The following KIF4A variants were observed in gnomAD, a reference collection of about 807,000 sequenced individuals.
KIF4A encodes the protein kinesin family member 4A.
Under a neutral mutation model 105.9 loss-of-function variants are expected in KIF4A, and 7 were observed. The ratio of observed to expected loss-of-function variants is 0.07; its 90% CI spans 0.04 to 0.12. The LOEUF (loss-of-function observed/expected upper bound fraction) is 0.12. KIF4A is among the 10% of genes least tolerant of loss of function. The pLI, the probability that KIF4A is intolerant of heterozygous loss-of-function variation, is 1.00. For missense variants in KIF4A, 558 were observed against 929.2 expected, an observed-to-expected ratio of 0.60 and a Z score of 5.19; for synonymous variants, 281 against 331.3, an observed-to-expected ratio of 0.85 and a Z score of 1.65.
intron 3 of KIF4A, 73 bp downstream of exon 3, chrX:70,290,878 TG>T: frequency 7.3e-6 from 5 of 684,417 alleles, no homozygotes; most frequent in Non-Finnish European, 6.9e-6. Flanking sequence ...GCACTGTGCT[TG>T]GGCACTGCAA....
chrX:70,382,578 A>G (rs1359683894), intron 18 of KIF4A, among the ~76,000 whole-genome samples: 1 of 112,476 alleles, frequency 8.9e-6, no homozygotes, highest in Non-Finnish European at 1.9e-5. Flanking sequence ...TAGATGTGAC[A>G]CCTAAAGTAC....
chrX:70,293,023 A>T (rs1226945343), intron 3 of KIF4A, among the ~76,000 whole-genome samples: 1 of 112,063 alleles, frequency 8.9e-6, no homozygotes, highest in African/African-American at 3.2e-5. Context: ...AAACTACTAA[A>T]ACCTCATTTC....
intron 7 of KIF4A, among the ~76,000 whole-genome samples, chrX:70,313,945 C>T (rs571735717): frequency 8.9e-6 from 1 of 112,319 alleles, no homozygotes; most frequent in Non-Finnish European, 1.9e-5. Flanking sequence ...AACTCATATT[C>T]GTAAAACATT....
At chrX:70,373,544 A>ACG (rs1451529737) in intron 15 of KIF4A, among the ~76,000 whole-genome samples, 1 of 48,079 alleles carries the variant, frequency 2.1e-5, no homozygotes, top group African/African-American at 9.3e-5. Flanking sequence ...ATATATATAT[A>ACG]TATATATATA....
Position 70,324,272 on chromosome X carries a change from T to G in KIF4A, c.779-5133T>G, listed in dbSNP as rs1204979253. 4.5e-5 allele frequency among the ~76,000 whole-genome samples: 5 copies of G among 112,248 alleles called. No individual in the cohort carries two copies. The Admixed American group carries it at 4.7e-4, about 11-fold the overall frequency. On this transcript the variant is annotated intron_variant, in intron 7 of 30. Coordinates refer to ENST00000374403, the MANE Select transcript of KIF4A (RefSeq NM_012310.5). ...TACCTCTTTGTCATAGTGTTCTTTC[T>G]TTTCTTGTAATTATTTAATTATCTG...
chrX:70,301,700 A>C (rs1184010279), intron 5 of KIF4A, among the ~76,000 whole-genome samples, 200 bp from the exon 6 acceptor site: 2 of 111,748 alleles, frequency 1.8e-5, no homozygotes, highest in Non-Finnish European at 1.9e-5. Flanking sequence ...TTGTTTCTGA[A>C]GTTCCTAAGG....
intron 17 of KIF4A, 124 bp from the exon 18 acceptor site, chrX:70,375,976 T>C (rs1569246358): frequency 2.5e-5 from 11 of 448,584 alleles, no homozygotes; most frequent in Non-Finnish European, 3.9e-5. Flanking sequence ...AGGGAATCTG[T>C]TGGGGACTGC....
chrX:70,343,324 T>G (rs1178634843), intron 11 of KIF4A, among the ~76,000 whole-genome samples: 2 of 111,255 alleles, frequency 1.8e-5, no homozygotes, highest in East Asian at 2.8e-4. Context: ...TTTGTCTTTT[T>G]TTTGTTTGTT....
At position 70,328,236 on chromosome X, in the gene KIF4A, G is replaced by C. The variant is rs58435002; in HGVS notation, c.779-1169G>C. Among the ~76,000 whole-genome samples the C allele has an allele frequency of 9.3e-3, 1,035 of 111,772 alleles. 11 individuals carry two copies. The highest frequency in any genetic ancestry group is 0.032 in the African/African-American group (997 of 30,750). ...TATTTCTTACAGTTCTGGAGACTGA[G>C]AAGTCCAGGGTCATGGTGCCAGTAG... On this transcript the variant is annotated intron_variant, in intron 7 of 30. Coordinates refer to ENST00000374403, the MANE Select transcript of KIF4A (RefSeq NM_012310.5).
rs1178678723 is a variant in KIF4A, at chrX:70,420,796, TTAAG to T, written c.*539_*542del. The T allele has an allele frequency of 8.5e-6, 1 of 117,712 alleles. No individual in the cohort carries two copies. The highest frequency in any genetic ancestry group is 1.9e-5 in the Non-Finnish European group (1 of 53,404). 9.7% of individuals were successfully genotyped at this position (117,712 alleles called of 1,213,427 possible). A position where few individuals can be genotyped will look rare whatever the true frequency, so the allele number is the denominator to read the frequency against. On this transcript the variant is annotated 3_prime_UTR_variant, in exon 31 of 31. Coordinates refer to ENST00000374403, the MANE Select transcript of KIF4A (RefSeq NM_012310.5). ...GAAGCAAATGAATTATTTTTAAATG[TTAAG>T]TAAGTAAATAAACCTTAGCCCGTCT...
chrX:70,330,164 A>G lies in KIF4A; in HGVS notation c.903A>G (p.Leu301=). The G allele has an allele frequency of 1.7e-6, 2 of 1,187,652 alleles. No homozygotes were observed. The highest frequency in any genetic ancestry group is 2.3e-6 in the Non-Finnish European group (2 of 882,953). Reference sequence around the variant, plus strand: ...TTTATTGTTCTTTTTCAGATTCTCTAGGAGGTAATAGCCATACTCTTATGA... The same window carrying G: ...TTTATTGTTCTTTTTCAGATTCTCTGGGAGGTAATAGCCATACTCTTATGA... ...SKLTRLLQDS[L]GGNSHTLMIA... is the part of the protein sequence containing the mutation. The change falls in exon 9 of 31, where the codon CTA becomes CTG. Residue 301 remains leucine (L), a synonymous_variant. Coordinates refer to ENST00000374403, the MANE Select transcript of KIF4A (RefSeq NM_012310.5).
rs770400181 is a variant in KIF4A at position 70,387,826 on chromosome X, C to G, written c.2232+529C>G. On this transcript the variant is annotated intron_variant, in intron 20 of 30. Coordinates refer to ENST00000374403, the MANE Select transcript of KIF4A (RefSeq NM_012310.5). Reference sequence around the variant, plus strand: ...GACGTTGCAGTAAGCCAAGATCGCACCATTGCACTCCAAACTGGGTGACAG... The same window carrying G: ...GACGTTGCAGTAAGCCAAGATCGCAGCATTGCACTCCAAACTGGGTGACAG... Among the ~76,000 whole-genome samples, 719 of 111,581 alleles carry G rather than the reference C, an allele frequency of 6.4e-3. 6 individuals carry two copies. The highest frequency in any genetic ancestry group is 0.022 in the African/African-American group (674 of 30,729).
intron 7 of KIF4A, among the ~76,000 whole-genome samples, chrX:70,321,911 A>G (rs2085891852): frequency 9.1e-6 from 1 of 110,233 alleles, no homozygotes; most frequent in Non-Finnish European, 1.9e-5. Flanking sequence ...CTTCTGGACA[A>G]TCTCATTCCT....
intron 29 of KIF4A, among the ~76,000 whole-genome samples, chrX:70,418,703 G>A (rs941615318): frequency 1.8e-5 from 2 of 112,091 alleles, no homozygotes; most frequent in African/African-American, 6.5e-5. Context: ...GTGATATACA[G>A]TAATTCTAGC....
At chrX:70,359,525 G>A (rs1314876469) in intron 15 of KIF4A, among the ~76,000 whole-genome samples, 4 of 102,325 alleles carry the variant, frequency 3.9e-5, no homozygotes, top group Non-Finnish European at 7.9e-5. Flanking sequence ...AAAAAAAAAA[G>A]CTGAACATAA....
rs1159310834 is a variant in KIF4A at position 70,341,779 on chromosome X, T to C, written c.1134-20T>C. 2 of 1,194,444 alleles carry C rather than the reference T, an allele frequency of 1.7e-6. No homozygotes were observed. Among genetic ancestry groups the C allele is most frequent in the Admixed American group, 2.2e-5 (1 of 44,927 alleles). ...TTATCAATCAGATATTTTTCTAATA[T>C]GTTATTTACTTTGTTTTAGTGTGGA... On this transcript the variant is annotated intron_variant, in intron 10 of 30. Transcript: ENST00000374403.
rs1046490 is a variant in KIF4A, at chrX:70,420,179, G to C, written c.3613G>C (p.Ala1205Pro). 1 of 1,210,999 alleles carries C rather than the reference G, an allele frequency of 8.3e-7. No individual in the cohort carries two copies. The highest frequency in any genetic ancestry group is 1.1e-6 in the Non-Finnish European group (1 of 895,358). The change falls in exon 31 of 31, where the codon GCT (alanine) becomes CCT (proline). Residue 1205 changes from alanine (A) to proline (P), a missense_variant. Ala to Pro is a conservative substitution (Grantham distance 27). Around this residue, in one of 2 missense-constraint regions of KIF4A, gnomAD observed 469 missense variants for 680.4 expected, o/e 0.69. Coordinates refer to ENST00000374403, the MANE Select transcript of KIF4A (RefSeq NM_012310.5). ...HVATEYQENK[A>P]PGKKKKRALA... The stretch of plus-strand genomic sequence containing the variant: ...AGCAACAGAATACCAAGAAAACAAG[G>C]CTCCAGGGAAGAAAAAGAAACGGGC...
chrX:70,387,366 T>TTTTTTTTCC, intron 20 of KIF4A, 69 bp downstream of exon 20: 1 of 774,373 alleles, frequency 1.3e-6, no homozygotes, highest in Non-Finnish European at 1.8e-6. Context: ...AAATAGCTTT[T>TTTTTTTTCC]TTTTTTTCCT....
chrX:70,385,574 G>A (rs1569248545), intron 18 of KIF4A, among the ~76,000 whole-genome samples: 1 of 112,109 alleles, frequency 8.9e-6, no homozygotes, highest in Non-Finnish European at 1.9e-5. Context: ...ACCTAGCCCA[G>A]TGCCTAGTGT....
Sources: allele counts gnomAD v4.1 joint callset (sites outside exome capture counted in the v4.1 genomes callset), GRCh38; gene constraint gnomAD v4.1.1; regional missense constraint gnomAD v4.1.1; transcripts MANE v1.5; gene names NCBI Gene and HGNC (gene_info 2026-07-23, HGNC 2026-07-21).